Variants in CNTN6 observed in about 807,000 individuals in gnomAD.
CNTN6 encodes the protein contactin-6.
Under a neutral mutation model 122.8 loss-of-function variants are expected in CNTN6, and 137 were observed. That is an observed-to-expected ratio of 1.12 (90% CI 0.97 to 1.29). CNTN6 has a LOEUF of 1.29. CNTN6 is among the 50% of genes most tolerant of loss of function. CNTN6 has a pLI of 0.00. For missense variants in CNTN6, 1,634 were observed against 1,223.4 expected (o/e 1.34, Z -5.01); for synonymous variants, 570 against 426.0 (o/e 1.34, Z -4.16).
intron 21 of CNTN6, 26 bp downstream of exon 21, chr3:1,401,571 C>T (rs1431392474): frequency 6.7e-7 from 1 of 1,491,150 alleles, no homozygotes; most frequent in Admixed American, 1.8e-5. Flanking sequence ...TTCCTTTAAT[C>T]ATATCAATTA....
chr3:1,276,422 T>A (rs982811530), intron 4 of CNTN6, among the ~76,000 whole-genome samples: 2 of 152,224 alleles, frequency 1.3e-5, no homozygotes, highest in Non-Finnish European at 2.9e-5. Context: ...TTCAACGATG[T>A]GCGCTGCTGT....
intron 2 of CNTN6, among the ~76,000 whole-genome samples, chr3:1,197,673 G>T (rs536575098): frequency 9.2e-5 from 14 of 152,152 alleles, no homozygotes; most frequent in African/African-American, 3.4e-4. Flanking sequence ...AGGGGTGAGG[G>T]CTCCTGAGTT....
chr3:1,372,342 A>G lies in CNTN6; in HGVS notation c.1536A>G (p.Thr512=). 3.1e-6 allele frequency: 5 copies of G among 1,612,308 alleles called. No homozygotes were observed. Among genetic ancestry groups the G allele is most frequent in the Non-Finnish European group, 4.2e-6 (5 of 1,179,200 alleles). ...TCCCACCTTCCAAAATGGATGTTAC[A>G]GTTGGCGAGAGTATAGTGCTACCAT... ...ITVPPSKMDV[T]VGESIVLPCQ... The change falls in exon 13 of 23, where the codon ACA becomes ACG. Residue 512 remains threonine (T), a synonymous_variant. Coordinates refer to ENST00000446702, the MANE Select transcript of CNTN6 (RefSeq NM_001289080.2).
At chr3:1,339,880 A>G (rs911879084) in intron 11 of CNTN6, among the ~76,000 whole-genome samples, 7 of 152,168 alleles carry the variant, frequency 4.6e-5, no homozygotes, top group Non-Finnish European at 1.0e-4. Context: ...TCTATCTCCA[A>G]TTAAATTAAC....
At chr3:1,303,899 G>C (rs1349581295) in intron 7 of CNTN6, among the ~76,000 whole-genome samples, 2 of 152,144 alleles carry the variant, frequency 1.3e-5, no homozygotes, top group African/African-American at 4.8e-5. Flanking sequence ...CCAACTGAAT[G>C]CTTCAAATGT....
chr3:1,334,353 A>T (rs1410160518), intron 11 of CNTN6, among the ~76,000 whole-genome samples: 2 of 146,738 alleles, frequency 1.4e-5, no homozygotes, highest in Admixed American at 1.4e-4. Context: ...TGACTTGAGT[A>T]GAAATGCTAG....
At chr3:1,378,870 A>T (rs979861114) in intron 17 of CNTN6, among the ~76,000 whole-genome samples, 1 of 152,166 alleles carries the variant, frequency 6.6e-6, no homozygotes, top group African/African-American at 2.4e-5. Flanking sequence ...GTCCTTGAGT[A>T]TATCTACCTT....
intron 2 of CNTN6, among the ~76,000 whole-genome samples, chr3:1,189,998 T>A (rs192357463): frequency 3.0e-4 from 46 of 152,310 alleles, no homozygotes; most frequent in African/African-American, 1.0e-3. Flanking sequence ...TACCACAGAC[T>A]GGCTGTCTTA....
intron 4 of CNTN6, among the ~76,000 whole-genome samples, chr3:1,269,798 T>TAA (rs201490644): frequency 1.3e-5 from 2 of 150,994 alleles, no homozygotes; most frequent in African/African-American, 4.9e-5. Context: ...TATTTTTTCA[T>TAA]AAAAAAAAAT....
intron 1 of CNTN6, among the ~76,000 whole-genome samples, chr3:1,098,789 C>CACATAT (rs1211008614): frequency 0.011 from 672 of 63,118 alleles, 7 homozygotes; most frequent in Non-Finnish European, 0.016. Flanking sequence ...CACACACACA[C>CACATAT]ATATATATAT....
At chr3:1,218,204 G>C (rs1048414696) in intron 2 of CNTN6, among the ~76,000 whole-genome samples, 1 of 152,082 alleles carries the variant, frequency 6.6e-6, no homozygotes, top group Non-Finnish European at 1.5e-5. Context: ...GCCTGGCAGA[G>C]GGTATCAGAG....
At position 1,311,311 on chromosome 3, in the gene CNTN6, A is replaced by T. The variant is rs543407991; in HGVS notation, c.762-10339A>T. ...TATATACATATACGTATATGTACAT[A>T]TAAAATGTATATATACATATATGTA... On this transcript the variant is annotated intron_variant, in intron 7 of 22. Transcript: ENST00000446702. Among the ~76,000 whole-genome samples the T allele has an allele frequency of 2.8e-5, 4 of 143,366 alleles. No homozygotes were observed. The South Asian group carries it at 8.7e-4, about 31-fold the overall frequency. 94.1% of individuals were successfully genotyped at this position (143,366 alleles called of 152,430 possible).
rs373885061 is a variant in CNTN6 at position 1,369,160 on chromosome 3, G to T, written c.1493-3139G>T. Among the ~76,000 whole-genome samples the T allele has an allele frequency of 2.0e-5, 3 of 152,190 alleles. No individual in the cohort carries two copies. In the South Asian group the frequency reaches 6.2e-4, roughly 32 times the overall value. ...TCTCTCTACCTGCTACCTTTACCCA[G>T]CTCACTACTACTTGCCTTTTACTTC... On this transcript the variant is annotated intron_variant, in intron 12 of 22. Coordinates refer to ENST00000446702, the MANE Select transcript of CNTN6 (RefSeq NM_001289080.2).
At chr3:1,139,829 C>T (rs2092567768) in intron 1 of CNTN6, among the ~76,000 whole-genome samples, 1 of 152,178 alleles carries the variant, frequency 6.6e-6, no homozygotes, top group Admixed American at 6.5e-5. Context: ...TACTTGAGCA[C>T]AGTTTGAACA....
At chr3:1,333,114 C>G (rs1575742133) in intron 11 of CNTN6, among the ~76,000 whole-genome samples, 1 of 151,770 alleles carries the variant, frequency 6.6e-6, no homozygotes, top group South Asian at 2.1e-4. Context: ...TAGATGGGTA[C>G]CTAGGAATTG....
chr3:1,285,945 T>A (rs939660023), intron 5 of CNTN6, among the ~76,000 whole-genome samples: 1 of 152,208 alleles, frequency 6.6e-6, no homozygotes, highest in Non-Finnish European at 1.5e-5. Flanking sequence ...TCATGGCTCT[T>A]CCCACTCTTC....
At chr3:1,357,675 T>A (rs1486885934) in intron 12 of CNTN6, among the ~76,000 whole-genome samples, 1 of 151,910 alleles carries the variant, frequency 6.6e-6, no homozygotes, top group African/African-American at 2.4e-5. Context: ...CATCGCATTG[T>A]TCAAAGTCTA....
chr3:1,360,276 C>G (rs914818879), intron 12 of CNTN6, among the ~76,000 whole-genome samples: 3 of 151,978 alleles, frequency 2.0e-5, no homozygotes, highest in African/African-American at 7.2e-5. Flanking sequence ...CACCTTTTCC[C>G]TCTTGTTCTC....
intron 1 of CNTN6, 37 bp downstream of exon 1, chr3:1,093,157 T>C (rs971892000): frequency 4.3e-6 from 1 of 232,998 alleles, no homozygotes; most frequent in South Asian, 5.4e-5. Flanking sequence ...CTGTGTCTGC[T>C]GCAATGAGAA....
Sources: allele counts gnomAD v4.1 joint callset (sites outside exome capture counted in the v4.1 genomes callset), GRCh38; gene constraint gnomAD v4.1.1; transcripts MANE v1.5; gene names NCBI Gene and HGNC (gene_info 2026-07-23, HGNC 2026-07-21).